Variants in FAM151B observed in about 807,000 individuals in gnomAD.
The protein encoded by FAM151B is protein FAM151B.
Under a neutral mutation model 31.2 loss-of-function variants are expected in FAM151B, and 24 were observed. The ratio of observed to expected loss-of-function variants is 0.77; its 90% CI spans 0.56 to 1.08. The LOEUF (loss-of-function observed/expected upper bound fraction) is 1.08. Among genes scored for constraint, FAM151B ranks in the 50% least tolerant of loss-of-function variants. The pLI, the probability that FAM151B is intolerant of heterozygous loss-of-function variation, is 0.00. For synonymous variants in FAM151B, 105 were observed against 111.4 expected, an observed-to-expected ratio of 0.94 and a Z score of 0.36; for missense variants, 293 against 328.6, an observed-to-expected ratio of 0.89 and a Z score of 0.84.
chr5:80,498,440 C>T (rs1304355849), intron 1 of FAM151B: 7 of 433,332 alleles, frequency 1.6e-5, no homozygotes, highest in Admixed American at 1.3e-4. Context: ...CAGCAGTTTC[C>T]GATAGCCATT....
intron 2 of FAM151B, among the ~76,000 whole-genome samples, chr5:80,508,219 C>T (rs1482675105): frequency 6.6e-6 from 1 of 152,184 alleles, no homozygotes; most frequent in Non-Finnish European, 1.5e-5. Flanking sequence ...ACTATGATTA[C>T]TGCTGCTATG....
chr5:80,509,695 T>G (rs1048145272), intron 2 of FAM151B, among the ~76,000 whole-genome samples: 3 of 152,234 alleles, frequency 2.0e-5, no homozygotes, highest in Non-Finnish European at 2.9e-5. Flanking sequence ...TTGGAAATAT[T>G]TTCTCTATAT....
intron 1 of FAM151B, among the ~76,000 whole-genome samples, chr5:80,489,524 TA>T (rs1743233357): frequency 6.6e-6 from 1 of 152,234 alleles, no homozygotes; most frequent in Non-Finnish European, 1.5e-5. Flanking sequence ...ACAGGCTGTA[TA>T]AATCCAGATT....
intron 2 of FAM151B, among the ~76,000 whole-genome samples, chr5:80,509,326 G>A (rs960594541): frequency 6.6e-6 from 1 of 152,028 alleles, no homozygotes; most frequent in African/African-American, 2.4e-5. Context: ...AGGTGATTAG[G>A]CCATGAGGGG....
chr5:80,522,883 T>A (rs1329888314), intron 5 of FAM151B, among the ~76,000 whole-genome samples: 3 of 149,874 alleles, frequency 2.0e-5, no homozygotes, highest in Non-Finnish European at 4.4e-5. Flanking sequence ...TTAAAAATTT[T>A]ATTTTTTTTT....
chr5:80,523,957 A>T (rs1412616315), intron 5 of FAM151B, among the ~76,000 whole-genome samples: 1 of 152,146 alleles, frequency 6.6e-6, no homozygotes, highest in Admixed American at 6.5e-5. Context: ...TTGCAAACAC[A>T]TCATTTATTT....
chr5:80,511,798 G>T (rs1744200739), intron 2 of FAM151B, among the ~76,000 whole-genome samples: 1 of 151,978 alleles, frequency 6.6e-6, no homozygotes, highest in African/African-American at 2.4e-5. Flanking sequence ...GTGGATACGG[G>T]GTTTCTCCAT....
Position 80,517,130 on chromosome 5 carries a change from A to G in FAM151B, c.318-2563A>G, listed in dbSNP as rs190407088. Reference sequence around the variant, plus strand: ...ACAAGAAGAAGGGTGAGTACGGTACAGTATGCTATTTTGAGAGAGAGAGAG... The same window carrying G: ...ACAAGAAGAAGGGTGAGTACGGTACGGTATGCTATTTTGAGAGAGAGAGAG... On this transcript the variant is annotated intron_variant, in intron 3 of 5. Transcript: ENST00000282226. Among the ~76,000 whole-genome samples the G allele has an allele frequency of 2.6e-3, 400 of 152,290 alleles. 1 individual carries two copies. Among genetic ancestry groups the G allele is most frequent in the Admixed American group, 7.0e-3 (107 of 15,286 alleles).
intron 1 of FAM151B, chr5:80,499,751 C>T (rs1288945036): frequency 6.6e-6 from 1 of 151,304 alleles, no homozygotes; most frequent in Non-Finnish European, 1.5e-5. Context: ...ATATTATATA[C>T]TTGCCACATC....
intron 1 of FAM151B, among the ~76,000 whole-genome samples, chr5:80,489,233 A>G (rs1240120894): frequency 6.6e-6 from 1 of 152,136 alleles, no homozygotes; most frequent in Non-Finnish European, 1.5e-5. Flanking sequence ...TCTGTAATGA[A>G]CATTTTTGCA....
At chr5:80,491,794 T>G (rs1743343729) in intron 1 of FAM151B, among the ~76,000 whole-genome samples, 1 of 152,226 alleles carries the variant, frequency 6.6e-6, no homozygotes, top group East Asian at 1.9e-4. Flanking sequence ...TTGTCGAAGA[T>G]GACAGAATTT....
chr5:80,489,813 A>T (rs1304478323), intron 1 of FAM151B, among the ~76,000 whole-genome samples: 1 of 151,982 alleles, frequency 6.6e-6, no homozygotes, highest in Non-Finnish European at 1.5e-5. Context: ...AGTCTCAACT[A>T]CTAAGGAGGC....
At chr5:80,541,414 T>G (rs921796454) in intron 5 of FAM151B, among the ~76,000 whole-genome samples, 1 of 152,240 alleles carries the variant, frequency 6.6e-6, no homozygotes, top group African/African-American at 2.4e-5. Flanking sequence ...CTCATCTGGT[T>G]TCTTAGTCCA....
chr5:80,498,752 C>G, intron 1 of FAM151B: 1 of 558,530 alleles, frequency 1.8e-6, no homozygotes, highest in Non-Finnish European at 3.4e-6. Flanking sequence ...AAGACTTCTT[C>G]CTTTTCTTAG....
intron 5 of FAM151B, among the ~76,000 whole-genome samples, chr5:80,540,687 C>CA (rs939410171): frequency 3.9e-5 from 6 of 152,096 alleles, no homozygotes; most frequent in Non-Finnish European, 7.4e-5. Flanking sequence ...TCCATTTTAG[C>CA]AAAAAATATA....
At chr5:80,507,782 T>A (rs535333400) in intron 2 of FAM151B, among the ~76,000 whole-genome samples, 3 of 152,354 alleles carry the variant, frequency 2.0e-5, no homozygotes, top group Non-Finnish European at 4.4e-5. Context: ...CAGACTGGCC[T>A]GTGTCTCCAA....
chr5:80,530,254 T>C (rs1165986482), intron 5 of FAM151B, among the ~76,000 whole-genome samples: 4 of 151,704 alleles, frequency 2.6e-5, no homozygotes, highest in African/African-American at 9.7e-5. Flanking sequence ...TAAGAGCTAT[T>C]TATGACAAAC....
At chr5:80,500,911 T>C in intron 1 of FAM151B, 5 of 773,864 alleles carry the variant, frequency 6.5e-6, no homozygotes, top group Non-Finnish European at 1.2e-5. Flanking sequence ...TCATGAGATC[T>C]ATACTGTTGG....
chr5:80,538,422 TTCTTTCTTTCTTTCTTTCTTTCTTTC>T (rs1243566166), intron 5 of FAM151B, among the ~76,000 whole-genome samples: 6 of 55,698 alleles, frequency 1.1e-4, no homozygotes, highest in East Asian at 1.0e-3. Context: ...CTTTCTTTCT[TTCTTTCTTTCTTTCTTTCTTTCTTTC>T]TCTTTCTTTC....
Sources: gnomAD v4.1 joint callset for allele counts (sites outside exome capture counted in the v4.1 genomes callset) on GRCh38, gnomAD v4.1.1 for gene constraint, MANE v1.5 for transcripts, NCBI Gene and HGNC (gene_info 2026-07-23, HGNC 2026-07-21) for gene names.